ZNF445: variants seen among roughly 807,000 people sequenced by gnomAD.
ZNF445 encodes zinc finger protein 168.
ZNF445 carries 19 observed loss-of-function variants against 93.9 expected under a neutral mutation model. The ratio of observed to expected loss-of-function variants is 0.20; its 90% CI spans 0.14 to 0.30. ZNF445 has a LOEUF of 0.30. Among genes scored for constraint, ZNF445 ranks in the 10% least tolerant of loss-of-function variants. ZNF445 has a pLI of 1.00. For synonymous variants in ZNF445, 449 were observed against 446.3 expected, an observed-to-expected ratio of 1.01 and a Z score of -0.08; for missense variants, 1,058 against 1,259.4, an observed-to-expected ratio of 0.84 and a Z score of 2.42.
chr3:44,452,161 TC>T (rs1048927306), intron 3 of ZNF445, among the ~76,000 whole-genome samples: 6 of 152,184 alleles, frequency 3.9e-5, no homozygotes, highest in African/African-American at 1.4e-4. Context: ...GGCAAGGCTG[TC>T]CCTCACATAG....
intron 3 of ZNF445, among the ~76,000 whole-genome samples, chr3:44,453,908 A>G (rs1697989566): frequency 6.6e-6 from 1 of 152,214 alleles, no homozygotes; most frequent in Non-Finnish European, 1.5e-5. Flanking sequence ...AGGTTGTGGA[A>G]TGAAGTCTAA....
At chr3:44,456,898 TG>T (rs1698034574) in intron 2 of ZNF445, among the ~76,000 whole-genome samples, 1 of 152,164 alleles carries the variant, frequency 6.6e-6, no homozygotes, top group African/African-American at 2.4e-5. Context: ...GAGGCCGAAG[TG>T]GGCGGACTGC....
At position 44,434,401 on chromosome 3, in the gene ZNF445, T is replaced by A. The variant is rs534817392; in HGVS notation, c.*12174A>T. 4.0e-5 allele frequency: 6 copies of A among 150,830 alleles called. No individual in the cohort carries two copies. The highest frequency in any genetic ancestry group is 1.2e-4 in the African/African-American group (5 of 41,078). The allele number at this position is 150,830 out of a possible 1,614,324, so 9.3% of individuals were successfully genotyped here. A position where few individuals can be genotyped will look rare whatever the true frequency, so the allele number is the denominator to read the frequency against. On this transcript the variant is annotated 3_prime_UTR_variant, in exon 8 of 8. Coordinates refer to ENST00000396077, the MANE Select transcript of ZNF445 (RefSeq NM_181489.6). ...CAGCTCGAGCTACAGAGTGAGACTC[T>A]GTCTCAAAAAAGAAAAAAAAAAGAG...
chr3:44,439,128 T>C lies in ZNF445; in HGVS notation c.*7447A>G, dbSNP rs1461645295. On this transcript the variant is annotated 3_prime_UTR_variant, in exon 8 of 8. Transcript: ENST00000396077. Reference sequence around the variant, plus strand: ...GAGTTCAAGACCAGCTTGGGCAACATGGCCAAACCTTGTCTCTACAAAAAT... The same window carrying C: ...GAGTTCAAGACCAGCTTGGGCAACACGGCCAAACCTTGTCTCTACAAAAAT... 6.6e-6 allele frequency: 1 copy of C among 151,582 alleles called. No individual in the cohort carries two copies. The highest frequency in any genetic ancestry group is 1.5e-5 in the Non-Finnish European group (1 of 67,926). The allele number at this position is 151,582 out of a possible 1,614,324, so 9.4% of individuals were successfully genotyped here.
intron 1 of ZNF445, among the ~76,000 whole-genome samples, chr3:44,462,974 G>A (rs1344511976): frequency 6.6e-6 from 1 of 151,068 alleles, no homozygotes; most frequent in Non-Finnish European, 1.5e-5. Context: ...ACTGGAAAAA[G>A]ATTTTTTCTT....
chr3:44,466,658 C>T (rs1698199640), intron 1 of ZNF445, among the ~76,000 whole-genome samples: 1 of 152,058 alleles, frequency 6.6e-6, no homozygotes, highest in Non-Finnish European at 1.5e-5. Flanking sequence ...CATTTTGGTC[C>T]TCTTTAAAAG....
chr3:44,476,467 GCA>G (rs377308101), intron 1 of ZNF445, among the ~76,000 whole-genome samples: 16 of 150,828 alleles, frequency 1.1e-4, no homozygotes, highest in African/African-American at 3.7e-4. Flanking sequence ...ACACATGCAT[GCA>G]CACACACACA....
intron 3 of ZNF445, among the ~76,000 whole-genome samples, chr3:44,453,822 C>G (rs73072626): frequency 0.067 from 10,212 of 152,132 alleles, 458 homozygotes; most frequent in Non-Finnish European, 0.1. Context: ...CAAATTCTCA[C>G]GATTAAACCA....
At chr3:44,470,282 CCAA>C (rs1201751065) in intron 1 of ZNF445, among the ~76,000 whole-genome samples, 2 of 152,140 alleles carry the variant, frequency 1.3e-5, no homozygotes, top group Non-Finnish European at 2.9e-5. Flanking sequence ...ACTGCTTTTC[CCAA>C]CAATAACAAA....
At chr3:44,473,568 A>C (rs182159285) in intron 1 of ZNF445, among the ~76,000 whole-genome samples, 3 of 152,136 alleles carry the variant, frequency 2.0e-5, no homozygotes, top group Admixed American at 2.0e-4. Context: ...TAAACTAATA[A>C]TGGGAGTGCC....
chr3:44,451,254 C>T, intron 4 of ZNF445, 60 bp downstream of exon 4: 1 of 1,577,246 alleles, frequency 6.3e-7, no homozygotes, highest in Non-Finnish European at 8.7e-7. Flanking sequence ...AAAGACAACA[C>T]TACAGGAAAT....
In ZNF445 at chr3:44,434,104, G is replaced by GT. The variant is rs1239269801; in HGVS notation, c.*12470dup. 1 of 152,008 alleles carries GT rather than the reference G, an allele frequency of 6.6e-6. No homozygotes were observed. Among genetic ancestry groups the GT allele is most frequent in the Admixed American group, 6.6e-5 (1 of 15,244 alleles). The allele number at this position is 152,008 out of a possible 1,614,324, so 9.4% of individuals were successfully genotyped here. Reference sequence around the variant, plus strand: ...CGTGTCCCTTTTAAACATATAGAATGTAACTATTGGAAAGAGAGAGAAAAA... The same window carrying GT: ...CGTGTCCCTTTTAAACATATAGAATGTTAACTATTGGAAAGAGAGAGAAAAA... On this transcript the variant is annotated 3_prime_UTR_variant, in exon 8 of 8. Coordinates refer to ENST00000396077, the MANE Select transcript of ZNF445 (RefSeq NM_181489.6).
In ZNF445 at chr3:44,443,063, G is replaced by C. The variant is rs1344663264; in HGVS notation, c.*3512C>G. Reference sequence around the variant, plus strand: ...CTGACATAGGAACCAAGAGAGGTGGGGCCACGGGTTTAGAGGCACAAGGGT... The same window carrying C: ...CTGACATAGGAACCAAGAGAGGTGGCGCCACGGGTTTAGAGGCACAAGGGT... On this transcript the variant is annotated 3_prime_UTR_variant, in exon 8 of 8. Transcript: ENST00000396077. 1 of 152,194 alleles carries C rather than the reference G, an allele frequency of 6.6e-6. No homozygotes were observed. Among genetic ancestry groups the C allele is most frequent in the Non-Finnish European group, 1.5e-5 (1 of 68,094 alleles). The allele number at this position is 152,194 out of a possible 1,614,324, so 9.4% of individuals were successfully genotyped here.
chr3:44,474,238 G>T (rs1427163170), intron 1 of ZNF445, among the ~76,000 whole-genome samples: 2 of 152,166 alleles, frequency 1.3e-5, no homozygotes, highest in African/African-American at 4.8e-5. Context: ...ATATAAGGCC[G>T]GCACGGTGGC....
chr3:44,443,367 TTGG>T lies in ZNF445; in HGVS notation c.*3205_*3207del, dbSNP rs1378755913. 1.1e-4 allele frequency: 17 copies of T among 152,200 alleles called. No individual in the cohort carries two copies. Among genetic ancestry groups the T allele is most frequent in the African/African-American group, 3.9e-4 (16 of 41,444 alleles). 9.4% of individuals were successfully genotyped at this position (152,200 alleles called of 1,614,324 possible). ...TAAAATTATTTGAAAACTCAGGTTA[TTGG>T]ACAAATAGGTTCAGTATAATCCCAA... is the stretch of plus-strand genomic sequence containing the variant. On this transcript the variant is annotated 3_prime_UTR_variant, in exon 8 of 8. Coordinates refer to ENST00000396077, the MANE Select transcript of ZNF445 (RefSeq NM_181489.6).
chr3:44,472,814 C>T (rs1396039051), intron 1 of ZNF445, among the ~76,000 whole-genome samples: 3 of 152,186 alleles, frequency 2.0e-5, no homozygotes, highest in African/African-American at 4.8e-5. Flanking sequence ...CATTTATCTT[C>T]TTGCTGAGAT....
intron 2 of ZNF445, 30 bp downstream of exon 2, chr3:44,458,214 C>T (rs1458481237): frequency 6.6e-6 from 1 of 151,494 alleles, no homozygotes; most frequent in Non-Finnish European, 1.5e-5. Flanking sequence ...ACTAAAAATA[C>T]AAAACTTAGC....
At position 44,448,042 on chromosome 3, in the gene ZNF445, G is replaced by A. The variant is rs377617978; in HGVS notation, c.1629C>T (p.Cys543=). ...GTCGGAAAGCTTTCTCACATAAATC[G>A]CATTTATAAGGCTTCACTCCAGTGT... ...KIHTGVKPYK[C]DLCEKAFRRL... The change falls in exon 8 of 8, where the codon TGC becomes TGT. Residue 543 remains cysteine (C), a synonymous_variant. Coordinates refer to ENST00000396077, the MANE Select transcript of ZNF445 (RefSeq NM_181489.6). The A allele has an allele frequency of 1.8e-5, 29 of 1,611,512 alleles. No individual in the cohort carries two copies. The highest frequency in any genetic ancestry group is 2.3e-5 in the Non-Finnish European group (27 of 1,180,000).
rs1697629837 is a variant in ZNF445, at chr3:44,434,338, G to A, written c.*12237C>T. On this transcript the variant is annotated 3_prime_UTR_variant, in exon 8 of 8. Coordinates refer to ENST00000396077, the MANE Select transcript of ZNF445 (RefSeq NM_181489.6). Reference sequence around the variant, plus strand: ...AGGAAGCAGCTTCACTTGTACCCAGGAGGTGCAGGTTGCAGTGAGCCAAGA... The same window carrying A: ...AGGAAGCAGCTTCACTTGTACCCAGAAGGTGCAGGTTGCAGTGAGCCAAGA... 2.6e-5 allele frequency: 4 copies of A among 151,962 alleles called. No homozygotes were observed. The South Asian group carries it at 8.3e-4, about 32-fold the overall frequency. The allele number at this position is 151,962 out of a possible 1,614,324, so 9.4% of individuals were successfully genotyped here.
Sources: gnomAD v4.1 joint callset for allele counts (sites outside exome capture counted in the v4.1 genomes callset) on GRCh38, gnomAD v4.1.1 for gene constraint, MANE v1.5 for transcripts, NCBI Gene and HGNC (gene_info 2026-07-23, HGNC 2026-07-21) for gene names.